Variants in PLD5 observed in about 807,000 individuals in gnomAD.
PLD5 encodes the protein phospholipase D family member 5.
Under a neutral mutation model 61.1 loss-of-function variants are expected in PLD5, and 36 were observed. That is an observed-to-expected ratio of 0.59 (90% CI 0.45 to 0.78). The LOEUF is 0.78. Among genes scored for constraint, PLD5 ranks in the 30% least tolerant of loss-of-function variants. PLD5 has a pLI of 0.00. For missense variants in PLD5, 515 were observed against 644.4 expected, an observed-to-expected ratio of 0.80 and a Z score of 2.17; for synonymous variants, 243 against 242.8, an observed-to-expected ratio of 1.00 and a Z score of -0.01.
chr1:242,153,930 A>G (rs1188519124), intron 5 of PLD5, among the ~76,000 whole-genome samples: 1 of 152,168 alleles, frequency 6.6e-6, no homozygotes, highest in African/African-American at 2.4e-5. Context: ...TCTATAAATT[A>G]CTTTGGGCAG....
rs1673027854 is a variant in PLD5, at chr1:242,256,544, T to C, written c.607+8793A>G. ...GTGCCCTTCTGTCTTATCCGCCACG[T>C]GAGGACACAGCGTTTGTTCCCTCTG... On this transcript the variant is annotated intron_variant, in intron 4 of 9. Transcript: ENST00000536534. This position sits in a 1 kb window ranked among gnomAD's most constrained non-coding sequence, Gnocchi z 5.7. Among the ~76,000 whole-genome samples, 1 of 152,168 alleles carries C rather than the reference T, an allele frequency of 6.6e-6. No individual in the cohort carries two copies. Among genetic ancestry groups the C allele is most frequent in the African/African-American group, 2.4e-5 (1 of 41,424 alleles).
chr1:242,289,521 T>C (rs531480454), intron 2 of PLD5, among the ~76,000 whole-genome samples: 1 of 152,222 alleles, frequency 6.6e-6, no homozygotes, highest in African/African-American at 2.4e-5. Flanking sequence ...GCTAACTTTT[T>C]TTTGTGTTTT....
chr1:242,223,094 C>T (rs778663826), intron 4 of PLD5, among the ~76,000 whole-genome samples: 53 of 152,132 alleles, frequency 3.5e-4, no homozygotes, highest in Non-Finnish European at 5.6e-4. Context: ...TTGGCAGATT[C>T]GGTGTCTAGT....
intron 1 of PLD5, among the ~76,000 whole-genome samples, chr1:242,451,820 A>C (rs752057977): frequency 3.9e-5 from 6 of 152,064 alleles, no homozygotes; most frequent in South Asian, 2.1e-4. Flanking sequence ...TCTCCATGGT[A>C]TTTAAGGTCC....
intron 8 of PLD5, 98 bp downstream of exon 8, chr1:242,107,573 T>C (rs1242836411): frequency 5.9e-6 from 7 of 1,179,456 alleles, no homozygotes; most frequent in Non-Finnish European, 8.1e-6. Flanking sequence ...GTCCTGGTTC[T>C]TACTGGAACT....
chr1:242,489,821 A>C (rs1462134358), intron 1 of PLD5, among the ~76,000 whole-genome samples: 3 of 152,256 alleles, frequency 2.0e-5, no homozygotes, highest in Admixed American at 6.5e-5. Flanking sequence ...AAGCCTCGAC[A>C]AAAGGAGAGA....
At chr1:242,186,269 A>G (rs1049653494) in intron 5 of PLD5, among the ~76,000 whole-genome samples, 2 of 151,338 alleles carry the variant, frequency 1.3e-5, no homozygotes, top group African/African-American at 4.9e-5. Flanking sequence ...TGCAACCTCC[A>G]CCTCCCGGGT....
chr1:242,467,562 C>T (rs769169228), intron 1 of PLD5, among the ~76,000 whole-genome samples: 2 of 152,176 alleles, frequency 1.3e-5, no homozygotes, highest in Non-Finnish European at 2.9e-5. Context: ...TTGGCAATTA[C>T]CTCATCCCCT....
chr1:242,449,381 T>A (rs1179001965), intron 1 of PLD5: 1 of 1,536,092 alleles, frequency 6.5e-7, no homozygotes, highest in South Asian at 1.2e-5. Flanking sequence ...CTTCCCTCCC[T>A]GCGGAGTCCA....
At chr1:242,123,702 CATG>C (rs1662562780) in intron 6 of PLD5, among the ~76,000 whole-genome samples, 1 of 152,220 alleles carries the variant, frequency 6.6e-6, no homozygotes, top group African/African-American at 2.4e-5. Flanking sequence ...TTCTTATCAA[CATG>C]ATAATGAATG....
intron 1 of PLD5, among the ~76,000 whole-genome samples, chr1:242,388,825 G>T (rs186792450): frequency 6.6e-6 from 1 of 152,120 alleles, no homozygotes; most frequent in East Asian, 1.9e-4. Context: ...GCGTGGTGGC[G>T]GGGGCCTGTA....
At chr1:242,355,126 G>T (rs1287360711) in intron 1 of PLD5, among the ~76,000 whole-genome samples, 1 of 152,152 alleles carries the variant, frequency 6.6e-6, no homozygotes, top group African/African-American at 2.4e-5. Flanking sequence ...TAGGGGTAAT[G>T]CTGACTTTGT....
intron 1 of PLD5, among the ~76,000 whole-genome samples, chr1:242,362,006 G>C (rs1292337332): frequency 6.7e-6 from 1 of 148,726 alleles, no homozygotes; most frequent in African/African-American, 2.5e-5. Flanking sequence ...ATTTTAAAGA[G>C]GAAAAAAATG....
chr1:242,481,585 C>T (rs1356388131), intron 1 of PLD5, among the ~76,000 whole-genome samples: 1 of 152,236 alleles, frequency 6.6e-6, no homozygotes, highest in African/African-American at 2.4e-5. Context: ...GTGGAGCCCA[C>T]CACAGCTCAA....
intron 2 of PLD5, among the ~76,000 whole-genome samples, chr1:242,307,339 C>T (rs1324262436): frequency 4.0e-5 from 3 of 75,430 alleles, no homozygotes; most frequent in Admixed American, 3.3e-4. Flanking sequence ...AATAGCAAAA[C>T]GATGATGACG....
At chr1:242,167,190 C>T (rs969031806) in intron 5 of PLD5, among the ~76,000 whole-genome samples, 8 of 152,030 alleles carry the variant, frequency 5.3e-5, no homozygotes, top group African/African-American at 1.9e-4. Flanking sequence ...GCAGCATTCA[C>T]AGTGACAACT....
chr1:242,382,190 C>T (rs938866053), intron 1 of PLD5, among the ~76,000 whole-genome samples: 14 of 149,620 alleles, frequency 9.4e-5, no homozygotes, highest in African/African-American at 3.0e-4. Flanking sequence ...TGAAAGTTAT[C>T]GAGGGTTGTA....
At chr1:242,347,330 A>G (rs941762409) in intron 2 of PLD5, among the ~76,000 whole-genome samples, 2 of 152,188 alleles carry the variant, frequency 1.3e-5, no homozygotes, top group African/African-American at 4.8e-5. Context: ...TATAAGCTCT[A>G]ATTCATAATT....
chr1:242,130,766 G>T (rs1437531445), intron 5 of PLD5, among the ~76,000 whole-genome samples: 1 of 152,174 alleles, frequency 6.6e-6, no homozygotes, highest in East Asian at 1.9e-4. Context: ...CAATCACACA[G>T]TTGATTTATG....
Sources: gnomAD v4.1 joint callset for allele counts (sites outside exome capture counted in the v4.1 genomes callset) on GRCh38, gnomAD v4.1.1 for gene constraint, Gnocchi (gnomAD v3.1) non-coding constraint, MANE v1.5 for transcripts, NCBI Gene and HGNC (gene_info 2026-07-23, HGNC 2026-07-21) for gene names.